PCDHGA7: variants seen among roughly 807,000 people sequenced by gnomAD.
PCDHGA7 encodes the protein protocadherin gamma subfamily A, 7, also known as protocadherin gamma-A7.
PCDHGA7 carries 44 observed loss-of-function variants against 58.3 expected under a neutral mutation model. That is an observed-to-expected ratio of 0.75 (90% CI 0.59 to 0.97). The LOEUF (loss-of-function observed/expected upper bound fraction) is 0.97. Ranked by LOEUF, PCDHGA7 falls within the 50% of genes least tolerant of loss-of-function variation. The pLI is 0.00. For missense variants in PCDHGA7, 1,266 were observed against 1,188.7 expected (o/e 1.06, Z -0.96); for synonymous variants, 516 against 504.2 (o/e 1.02, Z -0.31).
intron 1 of PCDHGA7, chr5:141,399,009 C>T (rs759328384): frequency 8.1e-6 from 13 of 1,613,694 alleles, no homozygotes; most frequent in African/African-American, 1.3e-5. Context: ...ATTCAAAGAG[C>T]GGAGAAATTA....
At chr5:141,407,930 C>T (rs2095001418) in intron 1 of PCDHGA7, 2 of 498,880 alleles carry the variant, frequency 4.0e-6, no homozygotes, top group Non-Finnish European at 6.9e-6. Flanking sequence ...CGCACGGAGC[C>T]TCTGGGCGCC....
chr5:141,421,309 C>T (rs781110850), intron 1 of PCDHGA7: 9 of 1,613,516 alleles, frequency 5.6e-6, no homozygotes, highest in Admixed American at 1.7e-5. Context: ...GCGGGGGTTC[C>T]GGGCCAGGCA....
intron 1 of PCDHGA7, chr5:141,410,118 G>C: frequency 1.2e-6 from 2 of 1,612,422 alleles, no homozygotes; most frequent in African/African-American, 2.7e-5. Flanking sequence ...GACGCAGCCC[G>C]CCAGCGCCTG....
chr5:141,445,975 G>A (rs1279186740), intron 1 of PCDHGA7, among the ~76,000 whole-genome samples: 1 of 152,124 alleles, frequency 6.6e-6, no homozygotes, highest in Non-Finnish European at 1.5e-5. Flanking sequence ...TGATTTATGA[G>A]GGTTATAAAT....
intron 1 of PCDHGA7, among the ~76,000 whole-genome samples, chr5:141,463,095 G>C (rs1299676667): frequency 6.6e-6 from 1 of 152,098 alleles, no homozygotes; most frequent in African/African-American, 2.4e-5. Context: ...AGCCCTATGT[G>C]ACCATCAAGA....
intron 1 of PCDHGA7, among the ~76,000 whole-genome samples, chr5:141,436,221 G>C (rs1468526543): frequency 6.6e-6 from 1 of 152,004 alleles, no homozygotes; most frequent in African/African-American, 2.4e-5. Context: ...CAAATGACTT[G>C]GGAAACTAAG....
chr5:141,428,121 G>A (rs764584436), intron 1 of PCDHGA7: 2 of 1,605,742 alleles, frequency 1.2e-6, no homozygotes, highest in Admixed American at 1.7e-5. Flanking sequence ...CATCGAGCCC[G>A]GGCTTTTCAG....
chr5:141,479,109 A>G (rs925202951), intron 1 of PCDHGA7, among the ~76,000 whole-genome samples: 4 of 152,234 alleles, frequency 2.6e-5, no homozygotes, highest in Admixed American at 2.6e-4. Context: ...TATTTCAAGC[A>G]TTCTACTGGA....
intron 1 of PCDHGA7, chr5:141,403,329 T>C (rs1325114096): frequency 1.2e-6 from 2 of 1,613,990 alleles, no homozygotes; most frequent in Admixed American, 1.7e-5. Context: ...GTAACTGATA[T>C]TAACGACAGC....
rs373247436 is a variant in PCDHGA7 at position 141,384,324 on chromosome 5, T to C, written c.1425T>C (p.Thr475=). 6.2e-7 allele frequency: 1 copy of C among 1,613,862 alleles called. No individual in the cohort carries two copies. Among genetic ancestry groups the C allele is most frequent in the Non-Finnish European group, 8.5e-7 (1 of 1,179,880 alleles). ...NPRGASIFLV[T]AQDHDSEDNA... is the part of the protein sequence containing the mutation. ...GAGGGGCCTCCATTTTCTTAGTGAC[T>C]GCACAGGACCACGACAGTGAGGATA... is the stretch of plus-strand genomic sequence containing the variant. The change falls in exon 1 of 4, where the codon ACT becomes ACC. Residue 475 remains threonine, a synonymous_variant. Transcript: ENST00000518325.
intron 1 of PCDHGA7, among the ~76,000 whole-genome samples, chr5:141,480,098 T>C (rs1415853757): frequency 6.6e-6 from 1 of 152,168 alleles, no homozygotes. Context: ...GTATGCAAAG[T>C]GTTTAGCATG....
chr5:141,401,508 C>G (rs2094162050), intron 1 of PCDHGA7, among the ~76,000 whole-genome samples: 1 of 152,302 alleles, frequency 6.6e-6, no homozygotes, highest in East Asian at 1.9e-4. Flanking sequence ...TTTTCCACCT[C>G]TATATAATTA....
chr5:141,491,802 G>C lies in PCDHGA7; in HGVS notation c.2425-3005G>C, dbSNP rs759587995. 1 of 1,497,480 alleles carries C rather than the reference G, an allele frequency of 6.7e-7. No homozygotes were observed. The highest frequency in any genetic ancestry group is 1.3e-5 in the South Asian group (1 of 74,938). The allele number at this position is 1,497,480 out of a possible 1,614,324, so 92.8% of individuals were successfully genotyped here. A position where few individuals can be genotyped will look rare whatever the true frequency, so the allele number is the denominator to read the frequency against. On this transcript the variant is annotated intron_variant, in intron 1 of 3. Coordinates refer to ENST00000518325, the MANE Select transcript of PCDHGA7 (RefSeq NM_018920.4). The surrounding 1 kb of genome is among the most constrained non-coding windows in gnomAD (Gnocchi z 6.9). ...ACTTGCATCCACTCCTCTCCGGCCG[G>C]CTTGGTCGCTGGCTGCGCTCCACCC...
chr5:141,463,904 T>C (rs1289422146), intron 1 of PCDHGA7, among the ~76,000 whole-genome samples: 3 of 152,214 alleles, frequency 2.0e-5, no homozygotes, highest in African/African-American at 4.8e-5. Context: ...TTTGTACTAA[T>C]AATATATCCT....
Position 141,432,184 on chromosome 5 carries a change from C to T in PCDHGA7, c.2424+46861C>T, listed in dbSNP as rs774512372. 3.7e-6 allele frequency: 6 copies of T among 1,614,164 alleles called. No homozygotes were observed. The highest frequency in any genetic ancestry group is 2.2e-5 in the South Asian group (2 of 91,080). On this transcript the variant is annotated intron_variant, in intron 1 of 3. Transcript: ENST00000518325. The surrounding 1 kb of genome is among the most constrained non-coding windows in gnomAD (Gnocchi z 6.0). Reference sequence around the variant, plus strand: ...GAGGAGTTTCCCTCGTCTCTGTGACCGCCCACGACCCCGACTGTGAAGAGA... The same window carrying T: ...GAGGAGTTTCCCTCGTCTCTGTGACTGCCCACGACCCCGACTGTGAAGAGA...
chr5:141,385,348 C>T, intron 1 of PCDHGA7, 25 bp downstream of exon 1: 1 of 1,557,574 alleles, frequency 6.4e-7, no homozygotes. Context: ...TCCTTTATTT[C>T]CATGAGGAAT....
At chr5:141,399,557 TG>T in intron 1 of PCDHGA7, 1 of 1,613,968 alleles carries the variant, frequency 6.2e-7, no homozygotes, top group Non-Finnish European at 8.5e-7. Context: ...GACCTGGACT[TG>T]GGGTTGAACG....
Position 141,432,097 on chromosome 5 carries a change from C to G in PCDHGA7, c.2424+46774C>G. ...TCTCGCTGAACGTGGCAGACACCAA[C>G]GACAACCCGCCGGTCTTCCCTCAGG... On this transcript the variant is annotated intron_variant, in intron 1 of 3. Transcript: ENST00000518325. This position sits in a 1 kb window ranked among gnomAD's most constrained non-coding sequence, Gnocchi z 6.0. The G allele has an allele frequency of 6.2e-7, 1 of 1,614,184 alleles. No homozygotes were observed.
In PCDHGA7 at chr5:141,487,406, C is replaced by T; in HGVS notation, c.2425-7401C>T. The T allele has an allele frequency of 6.2e-7, 1 of 1,614,200 alleles. No individual in the cohort carries two copies. The highest frequency in any genetic ancestry group is 8.5e-7 in the Non-Finnish European group (1 of 1,180,044). ...ATCTCGAAGGAGGGAGGGGCTTCCC[C>T]CTTCCAATGGGATCCTCCGAATCCA... On this transcript the variant is annotated intron_variant, in intron 1 of 3. Coordinates refer to ENST00000518325, the MANE Select transcript of PCDHGA7 (RefSeq NM_018920.4). The surrounding 1 kb of genome is among the most constrained non-coding windows in gnomAD (Gnocchi z 5.0).
Sources: allele counts gnomAD v4.1 joint callset (sites outside exome capture counted in the v4.1 genomes callset), GRCh38; gene constraint gnomAD v4.1.1; non-coding constraint Gnocchi (gnomAD v3.1); transcripts MANE v1.5; gene names NCBI Gene and HGNC (gene_info 2026-07-23, HGNC 2026-07-21).